NXPE4: variants seen among roughly 807,000 people sequenced by gnomAD.
The protein encoded by NXPE4 is NXPE family member 4.
NXPE4 carries 42 observed loss-of-function variants against 33.3 expected under a neutral mutation model. The ratio of observed to expected loss-of-function variants is 1.26; its 90% CI spans 0.98 to 1.63. The LOEUF (loss-of-function observed/expected upper bound fraction) is 1.63, where lower values mean the gene tolerates loss of function less well. Among genes scored for constraint, NXPE4 ranks in the 40% most tolerant of loss-of-function variants. The pLI, the probability that NXPE4 is intolerant of heterozygous loss-of-function variation, is 0.00. For synonymous variants in NXPE4, 253 were observed against 234.9 expected (o/e 1.08, Z -0.71); for missense variants, 709 against 647.6 (o/e 1.09, Z -1.03).
the NXPE4 span, among the ~76,000 whole-genome samples, chr11:114,610,076 C>A: frequency 2.0e-5 from 3 of 151,706 alleles, no homozygotes; most frequent in Non-Finnish European, 4.4e-5. Context: ...TCATGGGTAA[C>A]CACTGTTAAC....
chr11:114,648,007 CG>C, the NXPE4 span, among the ~76,000 whole-genome samples: 1 of 152,034 alleles, frequency 6.6e-6, no homozygotes, highest in Non-Finnish European at 1.5e-5. Context: ...GCCGACTTAA[CG>C]TTTTTTTAAG....
chr11:114,625,824 C>T, the NXPE4 span, among the ~76,000 whole-genome samples: 7 of 152,052 alleles, frequency 4.6e-5, no homozygotes, highest in Non-Finnish European at 7.4e-5. Context: ...GAGCACACCA[C>T]GTGCAAGCTG....
the NXPE4 span, among the ~76,000 whole-genome samples, chr11:114,678,176 T>C: frequency 6.6e-6 from 1 of 152,082 alleles, no homozygotes; most frequent in East Asian, 1.9e-4. Context: ...CTGTTTTTCT[T>C]CTTTCTGATT....
the NXPE4 span, among the ~76,000 whole-genome samples, chr11:114,674,583 A>G: frequency 1.3e-5 from 2 of 151,750 alleles, no homozygotes; most frequent in African/African-American, 4.8e-5. Flanking sequence ...CCACAAAAAA[A>G]AAATCAAATC....
chr11:114,647,110 C>T, the NXPE4 span, among the ~76,000 whole-genome samples: 20 of 152,152 alleles, frequency 1.3e-4, no homozygotes, highest in African/African-American at 4.8e-4. Flanking sequence ...AACATGAGCC[C>T]TCATAAGTTG....
chr11:114,620,053 AC>A, the NXPE4 span, among the ~76,000 whole-genome samples: 2 of 152,056 alleles, frequency 1.3e-5, no homozygotes, highest in South Asian at 4.1e-4. Context: ...CTCGTGGGTA[AC>A]CACTGTTACC....
At chr11:114,600,961 GTA>G in the NXPE4 span, among the ~76,000 whole-genome samples, 1 of 151,848 alleles carries the variant, frequency 6.6e-6, no homozygotes, top group Admixed American at 6.6e-5. Flanking sequence ...TCCACATATC[GTA>G]TACCAAATAA....
chr11:114,627,346 G>T, the NXPE4 span, among the ~76,000 whole-genome samples: 2 of 152,072 alleles, frequency 1.3e-5, no homozygotes, highest in Non-Finnish European at 2.9e-5. Context: ...CAAGCCAGAA[G>T]AGAGTGGGGA....
chr11:114,676,391 A>G, the NXPE4 span, among the ~76,000 whole-genome samples: 1 of 123,848 alleles, frequency 8.1e-6, no homozygotes, highest in Non-Finnish European at 1.7e-5. Flanking sequence ...TAAATATAAA[A>G]GAACTCAAAT....
the NXPE4 span, among the ~76,000 whole-genome samples, chr11:114,601,882 AATTATATATTATATTT>A: frequency 1.6e-3 from 2 of 1,278 alleles, no homozygotes; most frequent in African/African-American, 4.8e-3. Context: ...TATTATATAT[AATTATATATTATATTT>A]ATATATATTA....
At chr11:114,626,143 G>A in the NXPE4 span, among the ~76,000 whole-genome samples, 1 of 152,174 alleles carries the variant, frequency 6.6e-6, no homozygotes, top group African/African-American at 2.4e-5. Context: ...AAACAAAGCA[G>A]CCGGGAAGCT....
rs796817615 is a variant in NXPE4 at position 114,587,681 on chromosome 11, GC to G, written c.97-4661del. 1.1e-3 allele frequency among the ~76,000 whole-genome samples: 165 copies of G among 152,314 alleles called. 1 individual carries two copies. Among genetic ancestry groups the G allele is most frequent in the African/African-American group, 3.7e-3 (154 of 41,570 alleles). ...AAGGAGGGAAAACAGTTGGGGGGAT[GC>G]CCCCACTGTCTTCCCCTCCACCCTA... is the stretch of plus-strand genomic sequence containing the variant. On this transcript the variant is annotated intron_variant, in intron 2 of 5. Transcript: ENST00000375478.
chr11:114,573,209 TA>T (rs1267412616), intron 5 of NXPE4, among the ~76,000 whole-genome samples: 1 of 152,158 alleles, frequency 6.6e-6, no homozygotes, highest in Non-Finnish European at 1.5e-5. Context: ...AAAGGAGCTC[TA>T]AATCTTGAAG....
At chr11:114,627,952 C>T in the NXPE4 span, among the ~76,000 whole-genome samples, 13 of 152,050 alleles carry the variant, frequency 8.5e-5, no homozygotes, top group Admixed American at 8.5e-4. Flanking sequence ...AAGGGATCAA[C>T]TCAACAAGAA....
chr11:114,645,379 C>T, the NXPE4 span, among the ~76,000 whole-genome samples: 1 of 152,012 alleles, frequency 6.6e-6, no homozygotes, highest in African/African-American at 2.4e-5. Flanking sequence ...TCTGCAAATT[C>T]CAGGTAGATT....
intron 2 of NXPE4, among the ~76,000 whole-genome samples, chr11:114,588,697 T>C (rs1230021919): frequency 1.3e-5 from 2 of 152,102 alleles, no homozygotes; most frequent in Non-Finnish European, 2.9e-5. Context: ...GGGGGGCCTA[T>C]GAAGAACTAA....
At chr11:114,658,359 T>C in the NXPE4 span, among the ~76,000 whole-genome samples, 1 of 152,136 alleles carries the variant, frequency 6.6e-6, no homozygotes, top group Non-Finnish European at 1.5e-5. Flanking sequence ...AGTATAGAAT[T>C]TCCGGGAGCA....
At chr11:114,602,161 TTATAA>T in the NXPE4 span, among the ~76,000 whole-genome samples, 1 of 106,460 alleles carries the variant, frequency 9.4e-6, no homozygotes, top group African/African-American at 3.9e-5. Context: ...TATACATTAT[TTATAA>T]TATATTATAC....
At chr11:114,622,286 C>T in the NXPE4 span, among the ~76,000 whole-genome samples, 1 of 151,700 alleles carries the variant, frequency 6.6e-6, no homozygotes. Context: ...TCACTGTTAC[C>T]TGCTGGATAA....
Sources: allele counts gnomAD v4.1 joint callset (sites outside exome capture counted in the v4.1 genomes callset), GRCh38; gene constraint gnomAD v4.1.1; transcripts MANE v1.5; gene names NCBI Gene and HGNC (gene_info 2026-07-23, HGNC 2026-07-21).